Variants in DRC4 observed in about 807,000 individuals in gnomAD.
The protein encoded by DRC4 is GAS-11.
chr16:90,024,017 C>T, the DRC4 span, among the ~76,000 whole-genome samples: 10 of 149,610 alleles, frequency 6.7e-5, no homozygotes, highest in Non-Finnish European at 1.2e-4. Context: ...TAGTGGCTGA[C>T]GCCTGTAAAC....
chr16:90,021,874 A>AAAAAAAG, the DRC4 span, among the ~76,000 whole-genome samples: 1,633 of 127,030 alleles, frequency 0.013, 82 homozygotes, highest in African/African-American at 0.042. Context: ...AAAAAAAAAA[A>AAAAAAAG]AAGCACCTGT....
the DRC4 span, chr16:90,040,101 C>T: frequency 3.3e-6 from 2 of 613,394 alleles, no homozygotes; most frequent in African/African-American, 3.7e-5. Flanking sequence ...GTTCCTCCTG[C>T]CTTCCACTGC....
the DRC4 span, among the ~76,000 whole-genome samples, chr16:90,025,294 C>T: frequency 2.0e-5 from 3 of 151,066 alleles, no homozygotes; most frequent in Non-Finnish European, 4.4e-5. Flanking sequence ...GCTGGGATGA[C>T]AGGTGTGAGC....
chr16:90,023,782 A>G, the DRC4 span, among the ~76,000 whole-genome samples: 3 of 150,804 alleles, frequency 2.0e-5, no homozygotes, highest in Non-Finnish European at 4.5e-5. Context: ...TCATGAGGTC[A>G]GGAGATCCAG....
chr16:90,024,282 C>G, the DRC4 span, among the ~76,000 whole-genome samples: 1 of 152,044 alleles, frequency 6.6e-6, no homozygotes, highest in East Asian at 1.9e-4. Context: ...TTAGAGAGAC[C>G]GATGGGGTTC....
the DRC4 span, chr16:90,040,460 C>T: frequency 2.7e-5 from 43 of 1,610,194 alleles, no homozygotes; most frequent in Middle Eastern, 3.7e-4. Context: ...GTCCTGGCTG[C>T]CTCTAACCTG....
the DRC4 span, chr16:90,020,181 C>G: frequency 2.0e-6 from 1 of 506,808 alleles, no homozygotes; most frequent in Non-Finnish European, 3.5e-6. Flanking sequence ...ATTTATCTCT[C>G]AAAGAAAGTC....
chr16:90,032,316 T>G, the DRC4 span, among the ~76,000 whole-genome samples: 3 of 146,908 alleles, frequency 2.0e-5, 1 homozygote, highest in Non-Finnish European at 4.5e-5. Context: ...ACAGGTGTGG[T>G]GTGGGTGAGC....
chr16:90,035,890 G>C, the DRC4 span: 1 of 1,462,078 alleles, frequency 6.8e-7, no homozygotes, highest in Non-Finnish European at 9.0e-7. Context: ...GTGAGTTTGG[G>C]AGGCTGTGAT....
the DRC4 span, chr16:90,043,406 C>T: frequency 2.0e-6 from 3 of 1,473,194 alleles, no homozygotes; most frequent in South Asian, 1.2e-5. Flanking sequence ...GATGACACCC[C>T]TTATCACACC....
At chr16:90,038,200 G>A in the DRC4 span, among the ~76,000 whole-genome samples, 2 of 152,226 alleles carry the variant, frequency 1.3e-5, no homozygotes, top group South Asian at 2.1e-4. Flanking sequence ...AAGCACATGA[G>A]GGAGGCTCTT....
chr16:90,043,508 C>T, the DRC4 span: 13 of 716,180 alleles, frequency 1.8e-5, no homozygotes, highest in Admixed American at 5.7e-5. Context: ...TGGAGGAGAA[C>T]CACCTGCAGG....
chr16:90,031,149 C>G, the DRC4 span: 13 of 1,503,250 alleles, frequency 8.6e-6, no homozygotes, highest in Non-Finnish European at 1.1e-5. Flanking sequence ...AGCTTCCTAG[C>G]CTTATATTTT....
the DRC4 span, chr16:90,037,273 G>A: frequency 6.2e-7 from 1 of 1,613,726 alleles, no homozygotes. Context: ...ACCACCTGGA[G>A]AGGGAGATGG....
At chr16:90,035,623 C>A in the DRC4 span, 1 of 1,614,152 alleles carries the variant, frequency 6.2e-7, no homozygotes, top group South Asian at 1.1e-5. Context: ...GGCCGCTTCT[C>A]CCTGTGCAGA....
the DRC4 span, among the ~76,000 whole-genome samples, chr16:90,038,125 G>A: frequency 3.9e-5 from 6 of 152,232 alleles, no homozygotes; most frequent in African/African-American, 2.4e-5. Flanking sequence ...TTCTGCAGAA[G>A]GCCTGGGGTC....
At chr16:90,032,962 T>G in the DRC4 span, 5 of 1,577,640 alleles carry the variant, frequency 3.2e-6, no homozygotes, top group Non-Finnish European at 4.3e-6. Flanking sequence ...TGACAGGTTG[T>G]TGGGACGGCA....
chr16:90,030,995 C>T, the DRC4 span, among the ~76,000 whole-genome samples: 1 of 152,110 alleles, frequency 6.6e-6, no homozygotes, highest in African/African-American at 2.4e-5. Context: ...TGGGTAATAT[C>T]TTTGAGCAAG....
chr16:90,039,552 A>T, the DRC4 span, among the ~76,000 whole-genome samples: 2 of 151,756 alleles, frequency 1.3e-5, no homozygotes, highest in African/African-American at 4.8e-5. Context: ...CGCCCGGCTA[A>T]TGTTTGGTAT....
Sources: gnomAD v4.1 joint callset for allele counts (sites outside exome capture counted in the v4.1 genomes callset) on GRCh38, gnomAD v4.1.1 for gene constraint, MANE v1.5 for transcripts, NCBI Gene and HGNC (gene_info 2026-07-23, HGNC 2026-07-21) for gene names.